Variants in DOK5 observed in about 807,000 individuals in gnomAD.
DOK5 encodes the protein docking protein 5.
Under a neutral mutation model 43.3 loss-of-function variants are expected in DOK5, and 27 were observed. The ratio of observed to expected loss-of-function variants is 0.62; its 90% confidence interval spans 0.46 to 0.86. The LOEUF (loss-of-function observed/expected upper bound fraction) is 0.86. Among genes scored for constraint, DOK5 ranks in the 40% least tolerant of loss-of-function variants. The pLI is 0.00. For synonymous variants in DOK5, 146 were observed against 140.1 expected (o/e 1.04, Z -0.30); for missense variants, 373 against 392.9 (o/e 0.95, Z 0.43).
chr20:54,497,171 T>A (rs1027614207), intron 1 of DOK5, among the ~76,000 whole-genome samples: 4 of 152,234 alleles, frequency 2.6e-5, no homozygotes, highest in Non-Finnish European at 5.9e-5. Flanking sequence ...ACCCATTAGC[T>A]ACTTTGAAAA....
intron 1 of DOK5, among the ~76,000 whole-genome samples, chr20:54,509,707 T>C (rs1166677266): frequency 2.0e-5 from 3 of 152,190 alleles, no homozygotes; most frequent in Non-Finnish European, 4.4e-5. Flanking sequence ...TTCTCTCCTC[T>C]CCACTTCTCT....
chr20:54,515,732 T>A (rs1472952110), intron 1 of DOK5, among the ~76,000 whole-genome samples: 1 of 152,208 alleles, frequency 6.6e-6, no homozygotes, highest in Non-Finnish European at 1.5e-5. Context: ...TTTTTTGTAT[T>A]GGTTACCAAT....
intron 6 of DOK5, among the ~76,000 whole-genome samples, chr20:54,619,182 A>T (rs1986910180): frequency 6.8e-6 from 1 of 147,010 alleles, no homozygotes; most frequent in East Asian, 2.0e-4. Flanking sequence ...TAAAAATTCA[A>T]TGCATTGTTA....
chr20:54,520,352 A>G (rs1983352239), intron 1 of DOK5, among the ~76,000 whole-genome samples: 1 of 152,158 alleles, frequency 6.6e-6, no homozygotes, highest in African/African-American at 2.4e-5. Context: ...TTTCCACTCT[A>G]GGTCAAGATT....
At chr20:54,540,619 A>G (rs1984123469) in intron 1 of DOK5, among the ~76,000 whole-genome samples, 1 of 152,030 alleles carries the variant, frequency 6.6e-6, no homozygotes, top group African/African-American at 2.4e-5. Flanking sequence ...GGATCAATTG[A>G]TCCTTCCCCA....
intron 1 of DOK5, among the ~76,000 whole-genome samples, chr20:54,515,835 A>G (rs1222125660): frequency 6.6e-6 from 1 of 152,210 alleles, no homozygotes; most frequent in Non-Finnish European, 1.5e-5. Context: ...TAGACTAATA[A>G]TAAATAAGAT....
intron 2 of DOK5, among the ~76,000 whole-genome samples, chr20:54,573,686 CAAAAAAAAAAAAAA>C (rs1321685949): frequency 9.8e-5 from 5 of 50,968 alleles, no homozygotes; most frequent in Non-Finnish European, 1.7e-4. Flanking sequence ...GACTCCATCT[CAAAAAAAAAAAAAA>C]AAAAAAAAAG....
At position 54,591,699 on chromosome 20, in the gene DOK5, T is replaced by C; in HGVS notation, c.493T>C (p.Cys165Arg). 6.2e-7 allele frequency: 1 copy of C among 1,614,230 alleles called. No individual in the cohort carries two copies. The change falls in exon 5 of 8, where the codon TGT becomes CGT. Residue 165 changes from cysteine (C) to arginine (R), a missense_variant. Coordinates refer to ENST00000262593, the MANE Select transcript of DOK5 (RefSeq NM_018431.5). Reference sequence around the variant, plus strand: ...CTTGCAGATTACATATGAGTATATCTGTCTTTGGGACGTCCAGAATCCCAG... The same window carrying C: ...CTTGCAGATTACATATGAGTATATCCGTCTTTGGGACGTCCAGAATCCCAG... The part of the protein sequence containing the change: ...CALQITYEYI[C>R]LWDVQNPRVK...
intron 1 of DOK5, among the ~76,000 whole-genome samples, chr20:54,538,107 G>A (rs1984020198): frequency 6.6e-6 from 1 of 151,882 alleles, no homozygotes; most frequent in South Asian, 2.1e-4. Context: ...AAAGTGTTGG[G>A]ATTACAGGAG....
At chr20:54,647,103 A>G (rs936807801) in intron 7 of DOK5, among the ~76,000 whole-genome samples, 1 of 152,164 alleles carries the variant, frequency 6.6e-6, no homozygotes, top group Non-Finnish European at 1.5e-5. Context: ...GTGCCACACA[A>G]GACATACCTA....
At chr20:54,602,627 A>G (rs1402329357) in intron 5 of DOK5, among the ~76,000 whole-genome samples, 1 of 152,230 alleles carries the variant, frequency 6.6e-6, no homozygotes, top group African/African-American at 2.4e-5. Context: ...GCAAACTTCT[A>G]GCTCAAATCT....
At chr20:54,627,459 C>T (rs186621687) in intron 6 of DOK5, among the ~76,000 whole-genome samples, 4 of 152,308 alleles carry the variant, frequency 2.6e-5, no homozygotes, top group East Asian at 1.9e-4. Flanking sequence ...AACTGAGGTT[C>T]GGTGGGTCAC....
At chr20:54,589,506 G>A (rs1299157038) in intron 4 of DOK5, among the ~76,000 whole-genome samples, 1 of 152,146 alleles carries the variant, frequency 6.6e-6, no homozygotes, top group Non-Finnish European at 1.5e-5. Flanking sequence ...GAACACTTCA[G>A]CAAAAATCAG....
chr20:54,489,590 C>T, intron 1 of DOK5, among the ~76,000 whole-genome samples: 1 of 151,886 alleles, frequency 6.6e-6, no homozygotes, highest in African/African-American at 2.4e-5. Context: ...TCTTTCCTTC[C>T]TTCCTTTTTT....
At chr20:54,646,622 C>T (rs1979443426) in intron 7 of DOK5, among the ~76,000 whole-genome samples, 1 of 152,020 alleles carries the variant, frequency 6.6e-6, no homozygotes, top group Admixed American at 6.6e-5. Flanking sequence ...TCACAGAGTA[C>T]CTAAAATTAT....
intron 2 of DOK5, among the ~76,000 whole-genome samples, chr20:54,562,158 A>G (rs1220235268): frequency 6.6e-6 from 1 of 152,184 alleles, no homozygotes; most frequent in East Asian, 1.9e-4. Flanking sequence ...TCATCTTTGT[A>G]TCTATCTTTC....
chr20:54,593,554 C>T (rs36087616), intron 5 of DOK5, among the ~76,000 whole-genome samples: 27,720 of 152,078 alleles, frequency 0.18, 3,703 homozygotes, highest in African/African-American at 0.37. Flanking sequence ...CAGGCCAGGA[C>T]GGTGGCTTAT....
intron 2 of DOK5, among the ~76,000 whole-genome samples, chr20:54,583,255 T>G (rs1274931758): frequency 6.6e-6 from 1 of 152,168 alleles, no homozygotes; most frequent in Non-Finnish European, 1.5e-5. Context: ...TATTATTTTT[T>G]AGTTTTATTC....
chr20:54,628,855 A>C (rs866013522), intron 6 of DOK5, among the ~76,000 whole-genome samples: 4 of 152,204 alleles, frequency 2.6e-5, no homozygotes, highest in Admixed American at 6.5e-5. Context: ...AGACTTGGTA[A>C]ATAGATTACA....
Sources: gnomAD v4.1 joint callset for allele counts (sites outside exome capture counted in the v4.1 genomes callset) on GRCh38, gnomAD v4.1.1 for gene constraint, MANE v1.5 for transcripts, NCBI Gene and HGNC (gene_info 2026-07-23, HGNC 2026-07-21) for gene names.